The following ADAMTS6 variants were observed in gnomAD, a reference collection of about 807,000 sequenced individuals.
ADAMTS6 encodes the protein A disintegrin and metalloproteinase with thrombospondin motifs 6.
ADAMTS6 carries 23 observed loss-of-function variants against 144.3 expected under a neutral mutation model. The observed-to-expected ratio is 0.16, with a 90% CI of 0.11 to 0.23. The LOEUF (loss-of-function observed/expected upper bound fraction) is 0.23, where lower values mean the gene tolerates loss of function less well. Among genes scored for constraint, ADAMTS6 ranks in the 10% least tolerant of loss-of-function variants. The pLI, the probability that ADAMTS6 is intolerant of heterozygous loss-of-function variation, is 1.00. For missense variants in ADAMTS6, 999 were observed against 1,379.6 expected, an observed-to-expected ratio of 0.72 and a Z score of 4.37; for synonymous variants, 444 against 457.5, an observed-to-expected ratio of 0.97 and a Z score of 0.38.
intron 7 of ADAMTS6, among the ~76,000 whole-genome samples, chr5:65,351,297 T>G (rs1748821414): frequency 6.6e-6 from 1 of 152,214 alleles, no homozygotes; most frequent in Admixed American, 6.5e-5. Context: ...TCCATCACTT[T>G]CAAGTGATTG....
intron 11 of ADAMTS6, among the ~76,000 whole-genome samples, chr5:65,290,555 A>AG (rs1376730747): frequency 6.6e-6 from 1 of 151,970 alleles, no homozygotes; most frequent in African/African-American, 2.4e-5. Context: ...TGTCTCAAAA[A>AG]AAAGAAAAAG....
chr5:65,301,486 T>A (rs1743366134), intron 9 of ADAMTS6, among the ~76,000 whole-genome samples: 1 of 152,072 alleles, frequency 6.6e-6, no homozygotes, highest in Admixed American at 6.6e-5. Flanking sequence ...TTAATATGAG[T>A]CCTCTTGGCA....
intron 14 of ADAMTS6, among the ~76,000 whole-genome samples, chr5:65,250,014 T>C (rs967550990): frequency 2.6e-5 from 4 of 152,212 alleles, no homozygotes; most frequent in Non-Finnish European, 5.9e-5. Flanking sequence ...TCATCTCTTT[T>C]AAGAGCACTA....
intron 7 of ADAMTS6, among the ~76,000 whole-genome samples, chr5:65,374,688 C>G (rs59401729): frequency 2.0e-4 from 30 of 152,140 alleles, no homozygotes; most frequent in Admixed American, 4.6e-4. Context: ...TACTGCCCAA[C>G]GTAATTTACA....
chr5:65,456,818 T>A (rs188119455), intron 4 of ADAMTS6, among the ~76,000 whole-genome samples: 1 of 152,300 alleles, frequency 6.6e-6, no homozygotes, highest in African/African-American at 2.4e-5. Context: ...CTGTATTTTC[T>A]AAATTTTCTA....
rs1742285866 is a variant in ADAMTS6, at chr5:65,291,353, T to C, written c.1488A>G (p.Ala496=). 6.2e-7 allele frequency: 1 copy of C among 1,613,678 alleles called. No homozygotes were observed. Among genetic ancestry groups the C allele is most frequent in the Non-Finnish European group, 8.5e-7 (1 of 1,179,852 alleles). ...ADEQCRFQYG[A]TSRQCKYGEV... is the part of the protein sequence containing the mutation. Reference sequence around the variant, plus strand: ...CCCCATATTTACATTGGCGGGAGGTTGCTCCATACTGGAAACGACATTGCT... The same window carrying C: ...CCCCATATTTACATTGGCGGGAGGTCGCTCCATACTGGAAACGACATTGCT... Residue 496 remains alanine, a synonymous_variant, in exon 11 of 25, where the codon GCA becomes GCG. Transcript: ENST00000381055.
At chr5:65,402,819 A>G (rs988933194) in intron 7 of ADAMTS6, among the ~76,000 whole-genome samples, 3 of 152,106 alleles carry the variant, frequency 2.0e-5, no homozygotes, top group Non-Finnish European at 4.4e-5. Flanking sequence ...TCACTATCAT[A>G]CAATATATGA....
intron 15 of ADAMTS6, among the ~76,000 whole-genome samples, chr5:65,234,829 C>G (rs1405643988): frequency 6.6e-6 from 1 of 152,142 alleles, no homozygotes; most frequent in Non-Finnish European, 1.5e-5. Flanking sequence ...AAGCATTATT[C>G]ACATTAGTCA....
intron 7 of ADAMTS6, among the ~76,000 whole-genome samples, chr5:65,426,852 T>C (rs1756578416): frequency 6.6e-6 from 1 of 152,052 alleles, no homozygotes; most frequent in Non-Finnish European, 1.5e-5. Flanking sequence ...AAACATCTAG[T>C]ATTGATGAAA....
chr5:65,473,848 C>T lies in ADAMTS6; in HGVS notation c.-175G>A. ...CAACATCCTGCACTTTCTTCTATAT[C>T]TGGATTCATTTTCTCAATCCAAAAT... On this transcript the variant is annotated 5_prime_UTR_variant, in exon 2 of 25. Coordinates refer to ENST00000381055, the MANE Select transcript of ADAMTS6 (RefSeq NM_197941.4). The T allele has an allele frequency of 3.9e-6, 2 of 511,240 alleles. No homozygotes were observed. Among genetic ancestry groups the T allele is most frequent in the Non-Finnish European group, 7.0e-6 (2 of 284,002 alleles). The allele number at this position is 511,240 out of a possible 1,614,324, so 31.7% of individuals were successfully genotyped here.
rs765710069 is a variant in ADAMTS6, at chr5:65,150,939, A to C, written c.*897T>G. On this transcript the variant is annotated 3_prime_UTR_variant, in exon 25 of 25. Transcript: ENST00000381055. ...AACACAAGTGAGTTGGAGGGACTCA[A>C]ATAAGAACTAAGGCATCCTGTGTGG... 1 of 152,704 alleles carries C rather than the reference A, an allele frequency of 6.5e-6. No homozygotes were observed. Among genetic ancestry groups the C allele is most frequent in the African/African-American group, 2.4e-5 (1 of 41,456 alleles). The allele number at this position is 152,704 out of a possible 1,614,324, so 9.5% of individuals were successfully genotyped here.
intron 7 of ADAMTS6, among the ~76,000 whole-genome samples, chr5:65,371,665 G>A (rs574971034): frequency 3.7e-3 from 558 of 152,242 alleles, no homozygotes; most frequent in African/African-American, 0.012. Context: ...TGAAAGTGAC[G>A]AGGAGAATGG....
Position 65,170,656 on chromosome 5 carries a change from C to T in ADAMTS6, c.3205G>A (p.Glu1069Lys). The T allele has an allele frequency of 6.2e-7, 1 of 1,614,132 alleles. No homozygotes were observed. Among genetic ancestry groups the T allele is most frequent in the South Asian group, 1.1e-5 (1 of 91,058 alleles). The change falls in exon 24 of 25, where the codon GAA becomes AAA. Residue 1069 changes from glutamate (E) to lysine (K), a missense_variant. Around this residue, in one of 3 missense-constraint regions of ADAMTS6, gnomAD observed 619 missense variants for 837.0 expected, o/e 0.74. Transcript: ENST00000381055. ...TVRPPSMQQCESKCDSTPISN... is the reference protein window; with the variant it reads ...TVRPPSMQQCKSKCDSTPISN... ...ATGGGGGTACTGTCACATTTGCTTT[C>T]ACACTGCTGCATTGATGGAGGCCGA...
chr5:65,172,751 C>T (rs1653798977), intron 23 of ADAMTS6, 81 bp downstream of exon 23: 1 of 1,506,978 alleles, frequency 6.6e-7, no homozygotes, highest in Non-Finnish European at 9.0e-7. Context: ...CTCTCAAGCC[C>T]TTACAATGAT....
intron 18 of ADAMTS6, among the ~76,000 whole-genome samples, chr5:65,219,476 A>C (rs1757158254): frequency 6.6e-6 from 1 of 152,268 alleles, no homozygotes; most frequent in African/African-American, 2.4e-5. Context: ...ACGTACCTAC[A>C]TATGAAAAGT....
At chr5:65,285,845 T>C (rs1339847170) in intron 11 of ADAMTS6, among the ~76,000 whole-genome samples, 1 of 152,208 alleles carries the variant, frequency 6.6e-6, no homozygotes, top group East Asian at 1.9e-4. Flanking sequence ...ATTATGGATT[T>C]CTAAAAGTGC....
rs1341137980 is a variant in ADAMTS6, at chr5:65,312,475, A to G, written c.1224-12344T>C. Among the ~76,000 whole-genome samples the G allele has an allele frequency of 3.9e-5, 6 of 152,164 alleles. No homozygotes were observed. The South Asian group carries it at 8.3e-4, about 21-fold the overall frequency. ...CATTTTTAGATTTAGTATTTACCCA[A>G]TAGGATAATTATTACAATTTGCTCA... On this transcript the variant is annotated intron_variant, in intron 9 of 24. Transcript: ENST00000381055.
chr5:65,298,336 T>C (rs1473429844), intron 10 of ADAMTS6, among the ~76,000 whole-genome samples: 1 of 152,022 alleles, frequency 6.6e-6, no homozygotes, highest in Non-Finnish European at 1.5e-5. Flanking sequence ...ACAAAAAAGA[T>C]AAGAGCAACC....
At chr5:65,273,217 G>T in intron 12 of ADAMTS6, 123 bp downstream of exon 12, 1 of 814,330 alleles carries the variant, frequency 1.2e-6, no homozygotes, top group Non-Finnish European at 2.0e-6. Flanking sequence ...ATTGTTCTAG[G>T]AATTAATTAT....
Sources: allele counts gnomAD v4.1 joint callset (sites outside exome capture counted in the v4.1 genomes callset), GRCh38; gene constraint gnomAD v4.1.1; regional missense constraint gnomAD v4.1.1; transcripts MANE v1.5; gene names NCBI Gene and HGNC (gene_info 2026-07-23, HGNC 2026-07-21).